ANKRD30B: variants seen among roughly 807,000 people sequenced by gnomAD.
ANKRD30B encodes the protein ankyrin repeat domain-containing protein 30B.
ANKRD30B carries 144 observed loss-of-function variants against 202.2 expected under a neutral mutation model. The ratio of observed to expected loss-of-function variants is 0.71; its 90% confidence interval spans 0.62 to 0.82. The LOEUF (loss-of-function observed/expected upper bound fraction) is 0.82, where lower values mean the gene tolerates loss of function less well. Ranked by LOEUF, ANKRD30B falls within the 40% of genes least tolerant of loss-of-function variation. ANKRD30B has a pLI of 0.00. For missense variants in ANKRD30B, 1,487 were observed against 1,669.1 expected (o/e 0.89, Z 1.90); for synonymous variants, 508 against 561.3 (o/e 0.91, Z 1.34).
At chr18:14,850,497 G>T in intron 41 of ANKRD30B, 115 bp downstream of exon 41, 1 of 1,102,908 alleles carries the variant, frequency 9.1e-7, no homozygotes, top group African/African-American at 1.7e-5. Context: ...GAAAAGTATT[G>T]TCTTAAAATT....
intron 6 of ANKRD30B, among the ~76,000 whole-genome samples, chr18:14,763,448 G>A (rs1915579356): frequency 6.6e-6 from 1 of 152,110 alleles, no homozygotes; most frequent in Admixed American, 6.5e-5. Context: ...TTGGGAGACT[G>A]AGGTAGGAGA....
chr18:14,839,600 G>T (rs1035064135), intron 36 of ANKRD30B, among the ~76,000 whole-genome samples: 1 of 152,108 alleles, frequency 6.6e-6, no homozygotes, highest in Non-Finnish European at 1.5e-5. Context: ...TTATATGAAG[G>T]CTTGCTCTAC....
At position 14,810,028 on chromosome 18, in the gene ANKRD30B, T is replaced by A; in HGVS notation, c.2415+14T>A. On this transcript the variant is annotated intron_variant, in intron 27 of 43. Transcript: ENST00000690538. ...GGTCTTCTGAAGGTAATAACTTTTATATTTTTATCTTGAATATTACCTACA... is the reference window on the plus strand; with the variant it reads ...GGTCTTCTGAAGGTAATAACTTTTAAATTTTTATCTTGAATATTACCTACA... 6.9e-7 allele frequency: 1 copy of A among 1,444,536 alleles called. No individual in the cohort carries two copies. Among genetic ancestry groups the A allele is most frequent in the Non-Finnish European group, 9.6e-7 (1 of 1,036,646 alleles). The allele number at this position is 1,444,536 out of a possible 1,614,324, so 89.5% of individuals were successfully genotyped here.
chr18:14,766,479 AAAAAAAAAAAAAAAAAAAG>A (rs1916194305), intron 7 of ANKRD30B, among the ~76,000 whole-genome samples: 1 of 140,636 alleles, frequency 7.1e-6, no homozygotes, highest in African/African-American at 2.6e-5. Flanking sequence ...TCTCAAAAAA[AAAAAAAAAAAAAAAAAAAG>A]AAAAGAAAAG....
chr18:14,932,443 TCTC>T, the ANKRD30B span, among the ~76,000 whole-genome samples: 4 of 152,102 alleles, frequency 2.6e-5, no homozygotes, highest in Non-Finnish European at 5.9e-5. Context: ...TTCACGACAT[TCTC>T]CTCCCTCAGC....
the ANKRD30B span, among the ~76,000 whole-genome samples, chr18:14,890,549 GA>G: frequency 0.037 from 5,560 of 151,596 alleles, 136 homozygotes; most frequent in Middle Eastern, 0.078. Context: ...GAGAAACTAA[GA>G]AATTTGCCCA....
chr18:14,899,521 C>A, the ANKRD30B span, among the ~76,000 whole-genome samples: 1 of 152,164 alleles, frequency 6.6e-6, no homozygotes, highest in Non-Finnish European at 1.5e-5. Flanking sequence ...TTTTATTCTT[C>A]TATTTGCAAA....
chr18:14,775,087 A>G (rs1202300064), intron 9 of ANKRD30B, among the ~76,000 whole-genome samples: 2 of 152,236 alleles, frequency 1.3e-5, no homozygotes, highest in East Asian at 1.9e-4. Flanking sequence ...AGATCATGCC[A>G]CTGCACTCCA....
chr18:14,773,958 T>A (rs868565309), intron 9 of ANKRD30B, among the ~76,000 whole-genome samples: 90 of 152,116 alleles, frequency 5.9e-4, no homozygotes, highest in African/African-American at 2.0e-3. Flanking sequence ...CATCCAAAAC[T>A]CAAGTTCTAT....
chr18:14,784,041 G>A (rs1967921691), intron 12 of ANKRD30B, among the ~76,000 whole-genome samples: 1 of 152,072 alleles, frequency 6.6e-6, no homozygotes, highest in Non-Finnish European at 1.5e-5. Context: ...ATATGGTGTA[G>A]CATTCCATGT....
chr18:14,934,152 T>G, the ANKRD30B span, among the ~76,000 whole-genome samples: 2 of 152,240 alleles, frequency 1.3e-5, no homozygotes, highest in South Asian at 2.1e-4. Context: ...GGAGCAGGTC[T>G]GCTGACTCCA....
At chr18:14,759,842 A>T (rs1372551740) in intron 5 of ANKRD30B, among the ~76,000 whole-genome samples, 1 of 152,262 alleles carries the variant, frequency 6.6e-6, no homozygotes, top group African/African-American at 2.4e-5. Flanking sequence ...AAAAGTAGGA[A>T]TTAATAACAG....
rs552300591 is a variant in ANKRD30B, at chr18:14,763,806, C to T, written c.941C>T (p.Ser314Phe). ...DEAARLVEGT[S>F]AKIQCLGKAT... ...GCTGCACGCTTGGTGGAGGGAACGT[C>T]TGCCAAAATTCAATGTCTGGGGAAA... The change falls in exon 7 of 44, where the codon TCT (serine) becomes TTT (phenylalanine). Residue 314 changes from serine (S) to phenylalanine (F), a missense_variant. Transcript: ENST00000690538. 2.6e-5 allele frequency: 42 copies of T among 1,613,818 alleles called. No individual in the cohort carries two copies. The South Asian group carries it at 4.2e-4, about 16-fold the overall frequency.
At chr18:14,794,414 T>G (rs1424651332) in intron 16 of ANKRD30B, among the ~76,000 whole-genome samples, 1 of 151,598 alleles carries the variant, frequency 6.6e-6, no homozygotes, top group Non-Finnish European at 1.5e-5. Flanking sequence ...AGCCAGCTAT[T>G]TTCTTCATAA....
At chr18:14,866,113 C>G in the ANKRD30B span, among the ~76,000 whole-genome samples, 2 of 152,198 alleles carry the variant, frequency 1.3e-5, no homozygotes, top group African/African-American at 2.4e-5. Context: ...CTCACCCAAT[C>G]GGAACATGTA....
At chr18:14,793,670 G>A (rs35171845) in intron 16 of ANKRD30B, among the ~76,000 whole-genome samples, 1,830 of 151,866 alleles carry the variant, frequency 0.012, 18 homozygotes, top group Non-Finnish European at 0.017. Flanking sequence ...CGAGGCGGGC[G>A]GATCACGAGG....
the ANKRD30B span, among the ~76,000 whole-genome samples, chr18:14,893,473 T>C: frequency 7.2e-5 from 11 of 152,150 alleles, no homozygotes; most frequent in Non-Finnish European, 1.6e-4. Context: ...TAGCCAGGCA[T>C]GATGGTGGCT....
rs1039781584 is a variant in ANKRD30B, at chr18:14,853,169, G to T, written c.4477-640G>T. On this transcript the variant is annotated intron_variant, in intron 42 of 43. Coordinates refer to ENST00000690538, the MANE Select transcript of ANKRD30B (RefSeq NM_001367607.2). The stretch of plus-strand genomic sequence containing the variant: ...ATTTGCTCATAATTTCTATTTCAAG[G>T]CTCAAAAACTATCATGTGGATAGAA... 2.0e-5 allele frequency among the ~76,000 whole-genome samples: 3 copies of T among 151,770 alleles called. No homozygotes were observed. The Middle Eastern group carries it at 0.01, about 516-fold the overall frequency.
chr18:14,870,523 G>A, the ANKRD30B span, among the ~76,000 whole-genome samples: 1 of 152,146 alleles, frequency 6.6e-6, no homozygotes, highest in Non-Finnish European at 1.5e-5. Flanking sequence ...AGTGTCCAAA[G>A]GGGAACACTT....
Sources: allele counts gnomAD v4.1 joint callset (sites outside exome capture counted in the v4.1 genomes callset), GRCh38; gene constraint gnomAD v4.1.1; transcripts MANE v1.5; gene names NCBI Gene and HGNC (gene_info 2026-07-23, HGNC 2026-07-21).